ELOVL4: variants seen among roughly 807,000 people sequenced by gnomAD.
The protein encoded by ELOVL4 is very long chain fatty acid elongase 4.
ELOVL4 carries 18 observed loss-of-function variants against 42.1 expected under a neutral mutation model. The observed-to-expected ratio is 0.43, with a 90% confidence interval of 0.30 to 0.63. The LOEUF is 0.63. Among genes scored for constraint, ELOVL4 ranks in the 30% least tolerant of loss-of-function variants. The probability of loss-of-function intolerance (pLI) is 0.15; values close to 1 mark genes in which losing one functional copy is unlikely to be tolerated. For synonymous variants in ELOVL4, 117 were observed against 127.0 expected, an observed-to-expected ratio of 0.92 and a Z score of 0.53; for missense variants, 299 against 376.2, an observed-to-expected ratio of 0.79 and a Z score of 1.70.
At chr6:79,932,878 C>A (rs1239621788) in intron 1 of ELOVL4, among the ~76,000 whole-genome samples, 1 of 151,804 alleles carries the variant, frequency 6.6e-6, no homozygotes, top group African/African-American at 2.4e-5. Flanking sequence ...AGGGTATAAA[C>A]ACAGACATTT....
intron 1 of ELOVL4, among the ~76,000 whole-genome samples, chr6:79,938,350 A>C (rs1714379814): frequency 6.6e-6 from 1 of 152,210 alleles, no homozygotes; most frequent in African/African-American, 2.4e-5. Context: ...AAAAGATGGA[A>C]GATACCATTA....
chr6:79,934,622 T>C (rs879632034), intron 1 of ELOVL4, among the ~76,000 whole-genome samples: 2 of 152,116 alleles, frequency 1.3e-5, no homozygotes, highest in Non-Finnish European at 2.9e-5. Flanking sequence ...ATTTTTCTTC[T>C]CAACCTAGAG....
chr6:79,933,168 C>T (rs749071134), intron 1 of ELOVL4, among the ~76,000 whole-genome samples: 4 of 152,184 alleles, frequency 2.6e-5, no homozygotes, highest in African/African-American at 7.2e-5. Flanking sequence ...TTACAAACTA[C>T]ACTGAGGATG....
At position 79,919,565 on chromosome 6, in the gene ELOVL4, G is replaced by A; in HGVS notation, c.542-18C>T. 1 of 1,612,228 alleles carries A rather than the reference G, an allele frequency of 6.2e-7. No homozygotes were observed. Among genetic ancestry groups the A allele is most frequent in the Non-Finnish European group, 8.5e-7 (1 of 1,179,136 alleles). On this transcript the variant is annotated intron_variant, in intron 4 of 5. Coordinates refer to ENST00000369816, the MANE Select transcript of ELOVL4 (RefSeq NM_022726.4). ...AAAAAATGCTTTAGAAAAACAACAG[G>A]TAATTACAAGATACAGAAAATTTTA... is the stretch of plus-strand genomic sequence containing the variant.
intron 1 of ELOVL4, among the ~76,000 whole-genome samples, chr6:79,932,926 CAG>C (rs1774473649): frequency 1.3e-5 from 2 of 152,036 alleles, no homozygotes. Flanking sequence ...GACAAGCAGA[CAG>C]GGAGAAAAGT....
At chr6:79,933,571 G>T (rs1056909288) in intron 1 of ELOVL4, among the ~76,000 whole-genome samples, 2 of 152,126 alleles carry the variant, frequency 1.3e-5, no homozygotes, top group African/African-American at 2.4e-5. Context: ...GCAGTGGGGT[G>T]TGGACTGAGG....
chr6:79,932,918 C>T (rs1774473387), intron 1 of ELOVL4, among the ~76,000 whole-genome samples: 1 of 152,082 alleles, frequency 6.6e-6, no homozygotes, highest in Non-Finnish European at 1.5e-5. Context: ...AGGAATTTGA[C>T]AAGCAGACAG....
At chr6:79,945,534 G>A (rs1413567949) in intron 1 of ELOVL4, among the ~76,000 whole-genome samples, 1 of 152,156 alleles carries the variant, frequency 6.6e-6, no homozygotes, top group Non-Finnish European at 1.5e-5. Flanking sequence ...CTCCGGGATA[G>A]GATAGGAATG....
chr6:79,938,993 C>T (rs1161704243), intron 1 of ELOVL4, among the ~76,000 whole-genome samples: 2 of 152,168 alleles, frequency 1.3e-5, no homozygotes, highest in Non-Finnish European at 2.9e-5. Flanking sequence ...ATCTCAAAGA[C>T]TTCTAAATAT....
intron 5 of ELOVL4, among the ~76,000 whole-genome samples, chr6:79,918,312 T>C (rs1311941013): frequency 6.6e-6 from 1 of 152,102 alleles, no homozygotes; most frequent in East Asian, 1.9e-4. Context: ...AAAAAGGGTG[T>C]GTATAAGGGT....
At chr6:79,931,102 A>G (rs1266019494) in intron 1 of ELOVL4, among the ~76,000 whole-genome samples, 2 of 152,118 alleles carry the variant, frequency 1.3e-5, no homozygotes, top group Non-Finnish European at 2.9e-5. Flanking sequence ...GTGGAGGGGG[A>G]AAAAATGACA....
intron 1 of ELOVL4, among the ~76,000 whole-genome samples, chr6:79,939,857 C>T (rs1774617358): frequency 6.6e-6 from 1 of 152,152 alleles, no homozygotes; most frequent in Admixed American, 6.5e-5. Context: ...ATGCCACATA[C>T]ATAATTATCT....
Position 79,946,164 on chromosome 6 carries a change from G to A in ELOVL4, c.100+1016C>T, listed in dbSNP as rs186158891. Among the ~76,000 whole-genome samples, 24 of 152,324 alleles carry A rather than the reference G, an allele frequency of 1.6e-4. 1 individual carries two copies. In the East Asian group the frequency reaches 4.4e-3, roughly 28 times the overall value. The stretch of plus-strand genomic sequence containing the variant: ...TAATATCCTTCACTGATAGGATGCA[G>A]TGTGATACTGCAAAAGGACCAGAAA... On this transcript the variant is annotated intron_variant, in intron 1 of 5. Coordinates refer to ENST00000369816, the MANE Select transcript of ELOVL4 (RefSeq NM_022726.4).
At position 79,930,613 on chromosome 6, in the gene ELOVL4, C is replaced by G. The variant is rs144477489; in HGVS notation, c.101-4232G>C. Among the ~76,000 whole-genome samples, 9 of 152,066 alleles carry G rather than the reference C, an allele frequency of 5.9e-5. No individual in the cohort carries two copies. In the East Asian group the frequency reaches 1.5e-3, roughly 26 times the overall value. ...GCTGTGTCACAATAGTGCCATACAA[C>G]GATATGAAAATTCATCATTACTAAC... On this transcript the variant is annotated intron_variant, in intron 1 of 5. Transcript: ENST00000369816.
At chr6:79,942,505 T>C (rs898592213) in intron 1 of ELOVL4, among the ~76,000 whole-genome samples, 1 of 152,150 alleles carries the variant, frequency 6.6e-6, no homozygotes, top group African/African-American at 2.4e-5. Context: ...ACGTTAATAA[T>C]GTTAAAGCAT....
At chr6:79,928,568 GGA>G (rs1166221738) in intron 1 of ELOVL4, among the ~76,000 whole-genome samples, 1 of 152,046 alleles carries the variant, frequency 6.6e-6, no homozygotes, top group African/African-American at 2.4e-5. Context: ...GACTACCACA[GGA>G]GAGAGGGAAA....
At chr6:79,919,667 G>C in intron 4 of ELOVL4, 120 bp from the exon 5 acceptor site, 3 of 908,536 alleles carry the variant, frequency 3.3e-6, no homozygotes, top group Non-Finnish European at 4.9e-6. Flanking sequence ...GTACAGATTA[G>C]AAATGAAAAA....
Position 79,947,357 on chromosome 6 carries a change from C to G in ELOVL4, c.-78G>C, listed in dbSNP as rs1774768869. The G allele has an allele frequency of 1.7e-6, 2 of 1,173,032 alleles. No individual in the cohort carries two copies. The highest frequency in any genetic ancestry group is 2.5e-6 in the Non-Finnish European group (2 of 808,764). 72.7% of individuals were successfully genotyped at this position (1,173,032 alleles called of 1,614,324 possible). A position where few individuals can be genotyped will look rare whatever the true frequency, so the allele number is the denominator to read the frequency against. ...GGCTGACCCCGGAGGCGGTGGCGGC[C>G]GACGGGGCGAGCGGCGGCCGGGAAC... is the stretch of plus-strand genomic sequence containing the variant. On this transcript the variant is annotated 5_prime_UTR_variant, in exon 1 of 6. Transcript: ENST00000369816.
chr6:79,914,856 T>C lies in ELOVL4; in HGVS notation c.*1752A>G, dbSNP rs563798046. The C allele has an allele frequency of 1.3e-5, 2 of 152,662 alleles. No homozygotes were observed. The highest frequency in any genetic ancestry group is 1.3e-4 in the Admixed American group (2 of 15,292). 9.5% of individuals were successfully genotyped at this position (152,662 alleles called of 1,614,324 possible). A position where few individuals can be genotyped will look rare whatever the true frequency, so the allele number is the denominator to read the frequency against. On this transcript the variant is annotated 3_prime_UTR_variant, in exon 6 of 6. Transcript: ENST00000369816. ...GTATATTTATTGTGCTGAAATCAGG[T>C]AGCAGGGAATGAATAGCTCTTGGGA...
Sources: allele counts gnomAD v4.1 joint callset (sites outside exome capture counted in the v4.1 genomes callset), GRCh38; gene constraint gnomAD v4.1.1; transcripts MANE v1.5; gene names NCBI Gene and HGNC (gene_info 2026-07-23, HGNC 2026-07-21).